The following BIRC6 variants were observed in gnomAD, a reference collection of about 807,000 sequenced individuals.
BIRC6 encodes the protein dual E2 ubiquitin-conjugating enzyme/E3 ubiquitin-protein ligase BIRC6.
A neutral mutation model predicts 503.3 loss-of-function variants in BIRC6; 98 were observed. The ratio of observed to expected loss-of-function variants is 0.19; its 90% CI spans 0.17 to 0.23. BIRC6 has a LOEUF of 0.23. BIRC6 is among the 10% of genes least tolerant of loss of function. BIRC6 has a pLI of 1.00. For synonymous variants in BIRC6, 2,240 were observed against 2,078.7 expected (o/e 1.08, Z -2.11); for missense variants, 5,360 against 5,806.0 (o/e 0.92, Z 2.50).
At chr2:32,374,090 T>C (rs530613117) in intron 1 of BIRC6, among the ~76,000 whole-genome samples, 40 of 152,180 alleles carry the variant, frequency 2.6e-4, no homozygotes, top group Admixed American at 9.8e-4. Flanking sequence ...GCGTACAGAG[T>C]TTCCCTTTAT....
intron 23 of BIRC6, among the ~76,000 whole-genome samples, chr2:32,462,110 G>A (rs1305806742): frequency 6.6e-6 from 1 of 151,522 alleles, no homozygotes; most frequent in African/African-American, 2.4e-5. Flanking sequence ...TGCCCATAAA[G>A]TGAATTGTAG....
rs150225384 is a variant in BIRC6 at position 32,538,636 on chromosome 2, A to G, written c.12292-4605A>G. Among the ~76,000 whole-genome samples, 1,219 of 152,376 alleles carry G rather than the reference A, an allele frequency of 8.0e-3. 9 individuals are homozygous for G. Among genetic ancestry groups the G allele is most frequent in the Middle Eastern group, 0.034 (10 of 294 alleles). ...GAGTTGATAGAAGATCTCATCAACAATGTACAGTGTATGGCTGGGCATGGT... is the reference window on the plus strand; with the variant it reads ...GAGTTGATAGAAGATCTCATCAACAGTGTACAGTGTATGGCTGGGCATGGT... On this transcript the variant is annotated intron_variant, in intron 61 of 73. Transcript: ENST00000421745.
intron 61 of BIRC6, among the ~76,000 whole-genome samples, chr2:32,539,343 A>T (rs1348903757): frequency 1.3e-5 from 2 of 152,238 alleles, no homozygotes; most frequent in Non-Finnish European, 2.9e-5. Context: ...AAACTTCTAG[A>T]TGGACGTAAC....
chr2:32,516,609 G>GAA (rs2055072194), intron 55 of BIRC6, among the ~76,000 whole-genome samples: 1 of 146,832 alleles, frequency 6.8e-6, no homozygotes. Context: ...AAAAAAAAGT[G>GAA]GAAGATAATT....
Position 32,524,945 on chromosome 2 carries a change from A to C in BIRC6, c.11681A>C (p.Lys3894Thr), listed in dbSNP as rs747859496. The C allele has an allele frequency of 1.3e-6, 2 of 1,538,114 alleles. No individual in the cohort carries two copies. The highest frequency in any genetic ancestry group is 2.5e-5 in the South Asian group (2 of 78,972). The part of the protein sequence containing the change: ...ISEQKDDKEK[K>T]NHEEKEKVKA... ...GAACAAAAAGATGACAAAGAAAAGA[A>C]AAACCATGAAGAGAAAGAAAAAGTT... is the stretch of plus-strand genomic sequence containing the variant. The change falls in exon 58 of 74, where the codon AAA (lysine) becomes ACA (threonine). Residue 3894 changes from lysine to threonine, a missense_variant. By Grantham distance (78) the Lys-to-Thr change is moderately conservative (BLOSUM62 -1). Transcript: ENST00000421745.
At chr2:32,579,023 T>C (rs372481656) in intron 66 of BIRC6, among the ~76,000 whole-genome samples, 2 of 88,482 alleles carry the variant, frequency 2.3e-5, no homozygotes, top group African/African-American at 1.0e-4. Flanking sequence ...AATATATATA[T>C]ACCTAATATA....
At chr2:32,473,020 T>C in intron 32 of BIRC6, 92 bp from the exon 33 acceptor site, 1 of 1,072,668 alleles carries the variant, frequency 9.3e-7, no homozygotes, top group Non-Finnish European at 1.3e-6. Context: ...GATTGACACA[T>C]GTATAACTGT....
rs2058200420 is a variant in BIRC6 at position 32,548,371 on chromosome 2, T to TA, written c.12975+357_12975+358insA. Among the ~76,000 whole-genome samples the TA allele has an allele frequency of 2.7e-5, 4 of 146,636 alleles. No individual in the cohort carries two copies. The South Asian group carries it at 8.8e-4, about 32-fold the overall frequency. ...TATGCATTTTGGTTGCTTACTTTTT[T>TA]TTTTTTTTTTTTTTTTGAGACGGAG... On this transcript the variant is annotated intron_variant, in intron 64 of 73. Transcript: ENST00000421745.
chr2:32,597,654 T>G (rs1450441045), intron 68 of BIRC6, 97 bp from the exon 69 acceptor site: 1 of 852,984 alleles, frequency 1.2e-6, no homozygotes, highest in Non-Finnish European at 1.9e-6. Flanking sequence ...GGAAGTTCTC[T>G]CCAGTTGAGT....
chr2:32,490,912 A>G lies in BIRC6; in HGVS notation c.8207-513A>G, dbSNP rs112774428. 8.7e-3 allele frequency among the ~76,000 whole-genome samples: 1,328 copies of G among 152,328 alleles called. 11 individuals are homozygous for G. The highest frequency in any genetic ancestry group is 0.014 in the Non-Finnish European group (934 of 68,016). ...AATGTATTTTCCAAAAATGAGATCA[A>G]AAGCATCACTGTGATACTGAAGGTG... On this transcript the variant is annotated intron_variant, in intron 43 of 73. Transcript: ENST00000421745.
intron 38 of BIRC6, among the ~76,000 whole-genome samples, chr2:32,481,743 G>A (rs1187425315): frequency 6.6e-6 from 1 of 151,620 alleles, no homozygotes; most frequent in African/African-American, 2.4e-5. Context: ...TCCAGCCTGG[G>A]TGACAGAACG....
chr2:32,391,907 A>G (rs2039281189), intron 4 of BIRC6, 132 bp from the exon 5 acceptor site: 1 of 590,106 alleles, frequency 1.7e-6, no homozygotes, highest in Non-Finnish European at 2.8e-6. Flanking sequence ...AAAGTAAAAA[A>G]TTGAACTTGT....
chr2:32,465,746 A>T (rs915457473), intron 26 of BIRC6, among the ~76,000 whole-genome samples: 1 of 152,244 alleles, frequency 6.6e-6, no homozygotes, highest in Non-Finnish European at 1.5e-5. Flanking sequence ...GTGCTTTAGC[A>T]GCAGTAGAAT....
chr2:32,502,996 C>T, intron 48 of BIRC6, 46 bp from the exon 49 acceptor site: 1 of 1,523,642 alleles, frequency 6.6e-7, no homozygotes, highest in Non-Finnish European at 8.9e-7. Flanking sequence ...GATGTTGAAC[C>T]ATCTGTCCTG....
intron 69 of BIRC6, 138 bp from the exon 70 acceptor site, chr2:32,599,601 G>T (rs2061918090): frequency 1.3e-6 from 1 of 786,632 alleles, no homozygotes; most frequent in East Asian, 2.7e-5. Context: ...TTGCGCCACT[G>T]CACTCCAGCC....
At chr2:32,509,159 A>G (rs185792229) in intron 51 of BIRC6, among the ~76,000 whole-genome samples, 1 of 152,310 alleles carries the variant, frequency 6.6e-6, no homozygotes, top group East Asian at 1.9e-4. Context: ...ATCAGTATAT[A>G]TAATTGCATG....
chr2:32,525,446 CT>C lies in BIRC6; in HGVS notation c.11756-17del. On this transcript the variant is annotated splice_polypyrimidine_tract_variant and intron_variant, in intron 58 of 73. Coordinates refer to ENST00000421745, the MANE Select transcript of BIRC6 (RefSeq NM_016252.4). ...AGTGTGTTGACTATGTAGAATCTTA[CT>C]GATCCTTTTCTTTTAGGGCTGAAGT... 1 of 1,613,714 alleles carries C rather than the reference CT, an allele frequency of 6.2e-7. No individual in the cohort carries two copies.
chr2:32,458,694 T>G (rs1212143360), intron 23 of BIRC6, among the ~76,000 whole-genome samples: 4 of 138,608 alleles, frequency 2.9e-5, no homozygotes, highest in Non-Finnish European at 4.7e-5. Flanking sequence ...TTTTTTTTTT[T>G]TTTTTTTTTT....
chr2:32,501,275 A>T (rs2053158383), intron 46 of BIRC6, among the ~76,000 whole-genome samples: 1 of 152,154 alleles, frequency 6.6e-6, no homozygotes, highest in Non-Finnish European at 1.5e-5. Context: ...GAATAGTTAC[A>T]TGCTGGTATC....
Sources: allele counts gnomAD v4.1 joint callset (sites outside exome capture counted in the v4.1 genomes callset), GRCh38; gene constraint gnomAD v4.1.1; transcripts MANE v1.5; gene names NCBI Gene and HGNC (gene_info 2026-07-23, HGNC 2026-07-21).